Variants in MRTFA observed in about 807,000 individuals in gnomAD.
The protein encoded by MRTFA is myocardin-related transcription factor A.
A neutral mutation model predicts 83.5 loss-of-function variants in MRTFA; 20 were observed. The ratio of observed to expected loss-of-function variants is 0.24; its 90% confidence interval spans 0.17 to 0.35. The LOEUF is 0.35. MRTFA is among the 10% of genes least tolerant of loss of function. MRTFA has a pLI of 1.00. For missense variants in MRTFA, 1,200 were observed against 1,224.7 expected (o/e 0.98, Z 0.30); for synonymous variants, 659 against 541.2 (o/e 1.22, Z -3.02).
intron 14 of MRTFA, chr22:40,414,922 C>T (rs1266972709): frequency 6.7e-6 from 1 of 149,666 alleles, no homozygotes; most frequent in Admixed American, 7.2e-5. Context: ...CTCCCCAACC[C>T]TGTGGGTTCT....
intron 2 of MRTFA, among the ~76,000 whole-genome samples, chr22:40,569,130 C>A (rs767414193): frequency 3.3e-5 from 5 of 152,144 alleles, no homozygotes; most frequent in Non-Finnish European, 4.4e-5. Flanking sequence ...ATGGTACACA[C>A]CAGTAGTCCC....
At chr22:40,527,266 G>A (rs1347571031) in intron 3 of MRTFA, among the ~76,000 whole-genome samples, 4 of 151,950 alleles carry the variant, frequency 2.6e-5, no homozygotes, top group Middle Eastern at 3.4e-3. Flanking sequence ...TCACCATACT[G>A]CCACCATCAG....
chr22:40,458,397 G>C (rs1346447286), intron 4 of MRTFA, among the ~76,000 whole-genome samples: 1 of 152,132 alleles, frequency 6.6e-6, no homozygotes, highest in African/African-American at 2.4e-5. Flanking sequence ...GCAGTACAGA[G>C]AGGTATATAG....
At chr22:40,605,932 A>G (rs982352222) in intron 1 of MRTFA, among the ~76,000 whole-genome samples, 11 of 152,230 alleles carry the variant, frequency 7.2e-5, no homozygotes, top group African/African-American at 2.4e-4. Context: ...TCATTTATTC[A>G]TCTCCTATTC....
chr22:40,595,535 T>C (rs990548897), intron 1 of MRTFA, among the ~76,000 whole-genome samples: 1 of 152,194 alleles, frequency 6.6e-6, no homozygotes, highest in African/African-American at 2.4e-5. Flanking sequence ...GTCCTCACAA[T>C]GTGATGAGCA....
intron 3 of MRTFA, among the ~76,000 whole-genome samples, chr22:40,541,552 C>G (rs2055290666): frequency 6.6e-6 from 1 of 152,134 alleles, no homozygotes. Flanking sequence ...TGACCACAAC[C>G]TATTGCTGAT....
At chr22:40,495,981 G>C (rs773145809) in intron 3 of MRTFA, among the ~76,000 whole-genome samples, 1 of 151,288 alleles carries the variant, frequency 6.6e-6, no homozygotes, top group Non-Finnish European at 1.5e-5. Flanking sequence ...CTGGAGAAGC[G>C]CTTGAACCTG....
intron 3 of MRTFA, among the ~76,000 whole-genome samples, chr22:40,546,682 T>TA (rs2055369374): frequency 1.3e-5 from 2 of 152,190 alleles, no homozygotes; most frequent in South Asian, 4.1e-4. Context: ...AAGGGAAAGT[T>TA]AGAGTTGCTG....
chr22:40,459,830 CATATAT>C (rs55885079), intron 4 of MRTFA, among the ~76,000 whole-genome samples: 7,793 of 86,804 alleles, frequency 0.09, 575 homozygotes, highest in African/African-American at 0.11. Flanking sequence ...CACATATATA[CATATAT>C]ATATATATAT....
At chr22:40,614,621 A>G (rs1403346154) in intron 1 of MRTFA, among the ~76,000 whole-genome samples, 2 of 151,982 alleles carry the variant, frequency 1.3e-5, no homozygotes, top group African/African-American at 4.8e-5. Context: ...CCAAGTAGCT[A>G]GGATTACTGG....
Position 40,457,436 on chromosome 22 carries a change from G to GAGAAGAAAGAA in MRTFA, c.307+5784_307+5785insTTCTTTCTTCT, listed in dbSNP as rs2053606780. 6.7e-5 allele frequency among the ~76,000 whole-genome samples: 8 copies of GAGAAGAAAGAA among 119,818 alleles called. No homozygotes were observed. In the Admixed American group the frequency reaches 7.2e-4, roughly 11 times the overall value. 78.6% of individuals were successfully genotyped at this position (119,818 alleles called of 152,430 possible). A position where few individuals can be genotyped will look rare whatever the true frequency, so the allele number is the denominator to read the frequency against. ...AGAGAGACAGAATGAAAGAAAGAAAGAGAAAGAAAGAAAGAAAGAAAGAAA... is the reference window on the plus strand; with the variant it reads ...AGAGAGACAGAATGAAAGAAAGAAAGAGAAGAAAGAAAGAAAGAAAGAAAGAAAGAAAGAAA... On this transcript the variant is annotated intron_variant, in intron 4 of 14. Coordinates refer to ENST00000355630, the MANE Select transcript of MRTFA (RefSeq NM_020831.6).
intron 3 of MRTFA, chr22:40,519,636 G>T (rs760931193): frequency 2.4e-6 from 3 of 1,275,450 alleles, no homozygotes; most frequent in Non-Finnish European, 3.1e-6. Flanking sequence ...AAGCAAAAAA[G>T]AAATAAAAGC....
intron 1 of MRTFA, among the ~76,000 whole-genome samples, chr22:40,601,065 GT>G (rs1487288631): frequency 1.3e-5 from 2 of 152,114 alleles, no homozygotes; most frequent in African/African-American, 4.8e-5. Context: ...AAAGTTCCCA[GT>G]TTTCCCTTCA....
At chr22:40,431,539 C>T in intron 5 of MRTFA, 59 bp from the exon 6 acceptor site, 1 of 1,513,396 alleles carries the variant, frequency 6.6e-7, no homozygotes, top group Non-Finnish European at 9.2e-7. Flanking sequence ...ATGGCATGGA[C>T]AGGATCACAA....
chr22:40,490,581 AGAGT>A (rs1470925110), intron 3 of MRTFA, among the ~76,000 whole-genome samples: 3 of 151,116 alleles, frequency 2.0e-5, no homozygotes, highest in Non-Finnish European at 4.4e-5. Flanking sequence ...CCTGGGCGAC[AGAGT>A]GAGATTCCAT....
chr22:40,431,973 C>T (rs1427009505), intron 5 of MRTFA, among the ~76,000 whole-genome samples: 3 of 152,238 alleles, frequency 2.0e-5, no homozygotes, highest in Non-Finnish European at 1.5e-5. Flanking sequence ...GGGCCAGGCA[C>T]GGTGGCTCAA....
chr22:40,535,512 C>A (rs1378399433), intron 3 of MRTFA, among the ~76,000 whole-genome samples: 1 of 151,856 alleles, frequency 6.6e-6, no homozygotes, highest in Non-Finnish European at 1.5e-5. Context: ...GCCACCACAC[C>A]CAGCTAACTT....
chr22:40,459,749 G>T, intron 4 of MRTFA, among the ~76,000 whole-genome samples: 2 of 144,150 alleles, frequency 1.4e-5, no homozygotes, highest in African/African-American at 2.6e-5. Flanking sequence ...CCTTCATTCA[G>T]TGCCAGGCAC....
Position 40,539,454 on chromosome 22 carries a change from CT to C in MRTFA, c.241+12651del, listed in dbSNP as rs1457127473. Among the ~76,000 whole-genome samples the C allele has an allele frequency of 4.0e-5, 6 of 150,340 alleles. No homozygotes were observed. In the East Asian group the frequency reaches 1.2e-3, roughly 31 times the overall value. On this transcript the variant is annotated intron_variant, in intron 3 of 14. Transcript: ENST00000355630. ...TCCTGGGTTCAAGCGATTCTCCTGC[CT>C]TAGCCTCCCAAGTAGCTGGACTACG...
Sources: gnomAD v4.1 joint callset for allele counts (sites outside exome capture counted in the v4.1 genomes callset) on GRCh38, gnomAD v4.1.1 for gene constraint, MANE v1.5 for transcripts, NCBI Gene and HGNC (gene_info 2026-07-23, HGNC 2026-07-21) for gene names.